Variants in SRGAP3 observed in about 807,000 individuals in gnomAD.
SRGAP3 encodes the protein SLIT-ROBO Rho GTPase activating protein 3, also known as SLIT-ROBO Rho GTPase-activating protein 3.
SRGAP3 carries 39 observed loss-of-function variants against 121.1 expected under a neutral mutation model. The ratio of observed to expected loss-of-function variants is 0.32; its 90% CI spans 0.25 to 0.42. The LOEUF (loss-of-function observed/expected upper bound fraction) is 0.42. Ranked by LOEUF, SRGAP3 falls within the 10% of genes least tolerant of loss-of-function variation. The pLI, the probability that SRGAP3 is intolerant of heterozygous loss-of-function variation, is 1.00. For synonymous variants in SRGAP3, 601 were observed against 570.0 expected (o/e 1.05, Z -0.77); for missense variants, 1,213 against 1,470.6 (o/e 0.82, Z 2.86).
At chr3:9,186,858 A>G (rs886159448) in intron 1 of SRGAP3, among the ~76,000 whole-genome samples, 3 of 152,228 alleles carry the variant, frequency 2.0e-5, no homozygotes, top group East Asian at 3.8e-4. Context: ...ACAGCTTGTC[A>G]TTTCAGCAGC....
intron 3 of SRGAP3, among the ~76,000 whole-genome samples, chr3:9,093,774 C>T (rs984569043): frequency 6.6e-6 from 1 of 152,202 alleles, no homozygotes; most frequent in African/African-American, 2.4e-5. Context: ...AATCATCCTT[C>T]AACTTGTCTC....
chr3:8,994,583 C>G, intron 18 of SRGAP3, 60 bp from the exon 19 acceptor site: 1 of 1,596,680 alleles, frequency 6.3e-7, no homozygotes, highest in Non-Finnish European at 8.5e-7. Flanking sequence ...GCTCAGGAGC[C>G]TCACTCAGAT....
At chr3:9,017,778 T>C (rs1479503871) in intron 14 of SRGAP3, among the ~76,000 whole-genome samples, 1 of 152,246 alleles carries the variant, frequency 6.6e-6, no homozygotes, top group Non-Finnish European at 1.5e-5. Context: ...AACTGTTAGA[T>C]GCATAGAATG....
chr3:9,095,428 G>C (rs2124874554), intron 3 of SRGAP3, among the ~76,000 whole-genome samples: 1 of 151,960 alleles, frequency 6.6e-6, no homozygotes, highest in African/African-American at 2.4e-5. Flanking sequence ...TTTACCTTTA[G>C]CACCTTAAGC....
intron 3 of SRGAP3, among the ~76,000 whole-genome samples, chr3:9,099,854 A>G (rs487794): frequency 0.35 from 53,504 of 152,104 alleles, 10,376 homozygotes; most frequent in Non-Finnish European, 0.45. Flanking sequence ...GGTAATGTTT[A>G]AAGACAAGGC....
intron 3 of SRGAP3, among the ~76,000 whole-genome samples, chr3:9,265,692 G>A (rs1954346900): frequency 2.6e-5 from 4 of 152,142 alleles, no homozygotes. Context: ...ACACCAGTTA[G>A]AATGGGGATC....
intron 2 of SRGAP3, among the ~76,000 whole-genome samples, chr3:9,105,241 C>A (rs936149197): frequency 1.3e-5 from 2 of 152,212 alleles, no homozygotes; most frequent in Non-Finnish European, 2.9e-5. Flanking sequence ...TCCACTCCCC[C>A]ATTCTGCCTG....
At chr3:9,294,932 A>G (rs924700774) in intron 3 of SRGAP3, among the ~76,000 whole-genome samples, 2 of 152,102 alleles carry the variant, frequency 1.3e-5, no homozygotes, top group Non-Finnish European at 2.9e-5. Flanking sequence ...CCCTTCGTTG[A>G]TGAATGGGAT....
chr3:9,240,867 C>T (rs150370964), intron 1 of SRGAP3, among the ~76,000 whole-genome samples: 24 of 152,258 alleles, frequency 1.6e-4, no homozygotes, highest in African/African-American at 4.8e-4. Context: ...AAGGTGACTT[C>T]CTGGGGTGGG....
At chr3:9,034,264 T>G (rs1574949258) in intron 11 of SRGAP3, 1 of 152,346 alleles carries the variant, frequency 6.6e-6, no homozygotes, top group East Asian at 1.9e-4. Context: ...CATTTTCAAA[T>G]GGCTTGGTTC....
chr3:9,060,216 C>G lies in SRGAP3; in HGVS notation c.801+15G>C, dbSNP rs199699488. On this transcript the variant is annotated intron_variant, in intron 6 of 21. Transcript: ENST00000383836. Reference sequence around the variant, plus strand: ...TGTGGGCCCTGCTCAGTCCCAGACTCCCCAGGGAGCTCACATCGATCAGAT... The same window carrying G: ...TGTGGGCCCTGCTCAGTCCCAGACTGCCCAGGGAGCTCACATCGATCAGAT... The G allele has an allele frequency of 6.2e-7, 1 of 1,613,816 alleles. No individual in the cohort carries two copies. The highest frequency in any genetic ancestry group is 2.2e-5 in the East Asian group (1 of 44,870).
At chr3:9,107,826 G>T (rs534165295) in intron 2 of SRGAP3, among the ~76,000 whole-genome samples, 2 of 152,332 alleles carry the variant, frequency 1.3e-5, no homozygotes, top group African/African-American at 4.8e-5. Flanking sequence ...TGAGAGCAGG[G>T]ATCACTTCTA....
intron 6 of SRGAP3, 196 bp downstream of exon 6, chr3:9,060,035 T>C (rs1357885947): frequency 1.2e-6 from 1 of 855,774 alleles, no homozygotes; most frequent in African/African-American, 1.7e-5. Context: ...GTCCCACTCG[T>C]GAAAATAGAC....
intron 18 of SRGAP3, 73 bp downstream of exon 18, chr3:9,010,235 T>C (rs1435855174): frequency 2.2e-5 from 33 of 1,530,086 alleles, no homozygotes; most frequent in African/African-American, 4.1e-5. Flanking sequence ...GCCAGCCCTG[T>C]GGTTGGGCTG....
At chr3:9,172,085 TTTCTTTTC>T (rs1424921498) in intron 1 of SRGAP3, among the ~76,000 whole-genome samples, 1 of 113,090 alleles carries the variant, frequency 8.8e-6, no homozygotes, top group Non-Finnish European at 2.3e-5. Flanking sequence ...CAAATGACTT[TTTCTTTTC>T]TTTTTTTTTT....
chr3:9,119,760 G>T (rs1026368001), intron 2 of SRGAP3, among the ~76,000 whole-genome samples: 1 of 152,216 alleles, frequency 6.6e-6, no homozygotes, highest in Non-Finnish European at 1.5e-5. Context: ...TCTGATGCCC[G>T]GCTGAAGCAG....
chr3:9,093,681 T>C (rs1947851226), intron 3 of SRGAP3, among the ~76,000 whole-genome samples: 1 of 152,186 alleles, frequency 6.6e-6, no homozygotes, highest in Non-Finnish European at 1.5e-5. Flanking sequence ...ACCACTAATA[T>C]GTATACAAGT....
intron 1 of SRGAP3, among the ~76,000 whole-genome samples, chr3:9,209,761 T>C (rs780319658): frequency 2.0e-5 from 3 of 152,188 alleles, no homozygotes; most frequent in Non-Finnish European, 4.4e-5. Flanking sequence ...GCTAAATGCA[T>C]AATGGTAGAG....
intron 1 of SRGAP3, among the ~76,000 whole-genome samples, chr3:9,179,946 T>C (rs1219976048): frequency 6.6e-6 from 1 of 152,230 alleles, no homozygotes; most frequent in Non-Finnish European, 1.5e-5. Flanking sequence ...GCCCGGTCAA[T>C]ACTCAAGTTC....
Sources: gnomAD v4.1 joint callset for allele counts (sites outside exome capture counted in the v4.1 genomes callset) on GRCh38, gnomAD v4.1.1 for gene constraint, MANE v1.5 for transcripts, NCBI Gene and HGNC (gene_info 2026-07-23, HGNC 2026-07-21) for gene names.